The following ZNF462 variants were observed in gnomAD, a reference collection of about 807,000 sequenced individuals.
ZNF462 encodes zinc finger protein 462, also known as zinc finger PBX1-interacting protein.
ZNF462 carries 10 observed loss-of-function variants against 201.9 expected under a neutral mutation model. The ratio of observed to expected loss-of-function variants is 0.05; its 90% CI spans 0.03 to 0.08. The LOEUF (loss-of-function observed/expected upper bound fraction) is 0.08. ZNF462 is among the 10% of genes least tolerant of loss of function. The pLI is 1.00. For synonymous variants in ZNF462, 1,227 were observed against 1,193.3 expected (o/e 1.03, Z -0.58); for missense variants, 2,523 against 3,168.3 (o/e 0.80, Z 4.89).
intron 7 of ZNF462, among the ~76,000 whole-genome samples, chr9:106,955,121 T>G (rs1347204813): frequency 6.6e-6 from 1 of 152,180 alleles, no homozygotes; most frequent in African/African-American, 2.4e-5. Context: ...TAGTGTGTGT[T>G]GCTGTAATCT....
At position 106,962,606 on chromosome 9, in the gene ZNF462, A is replaced by G. The variant is rs1831891864; in HGVS notation, c.6428-9399A>G. Among the ~76,000 whole-genome samples the G allele has an allele frequency of 6.6e-6, 1 of 152,010 alleles. No individual in the cohort carries two copies. The highest frequency in any genetic ancestry group is 2.4e-5 in the African/African-American group (1 of 41,408). On this transcript the variant is annotated intron_variant, in intron 7 of 12. Transcript: ENST00000277225. The surrounding 1 kb of genome is among the most constrained non-coding windows in gnomAD (Gnocchi z 4.6). ...AGAGAAAGCTTGCCCATTTTTTGCC[A>G]TGTTTGTATCATTTTGCAGGCTAAT...
At position 106,924,765 on chromosome 9, in the gene ZNF462, C is replaced by A. The variant is rs751867392; in HGVS notation, c.853C>A (p.Leu285Ile). Residue 285 changes from leucine (L) to isoleucine (I), a missense_variant, in exon 3 of 13, where the codon CTA (leucine) becomes ATA (isoleucine). Physicochemically the swap from Leu to Ile is conservative, Grantham distance 5 (BLOSUM62 2). This residue lies in a region of ZNF462 where 480 missense variants were observed against 544.4 expected (regional missense o/e 0.88). Transcript: ENST00000277225. This position sits in a 1 kb window ranked among gnomAD's most constrained non-coding sequence, Gnocchi z 6.2. ...CAGACAGCAACAAGAAGGAACTAAT[C>A]TACCTGATGTGCCGAACAAGAGTGC... ...SLRQQQEGTN[L>I]PDVPNKSAPS... The A allele has an allele frequency of 3.0e-5, 48 of 1,614,060 alleles. 1 individual carries two copies. Among genetic ancestry groups the A allele is most frequent in the Non-Finnish European group, 3.2e-5 (38 of 1,180,044 alleles).
rs192208123 is a variant in ZNF462 at position 107,009,931 on chromosome 9, T to A, written c.7313+263T>A. Reference sequence around the variant, plus strand: ...CTCAAGCCTGTGTGCAGAAGTATAGTGTTTTCTCCAGCCAATATCCCTTTA... The same window carrying A: ...CTCAAGCCTGTGTGCAGAAGTATAGAGTTTTCTCCAGCCAATATCCCTTTA... On this transcript the variant is annotated intron_variant, in intron 12 of 12. Transcript: ENST00000277225. This position sits in a 1 kb window ranked among gnomAD's most constrained non-coding sequence, Gnocchi z 6.1. Among the ~76,000 whole-genome samples the A allele has an allele frequency of 9.2e-5, 14 of 152,292 alleles. No individual in the cohort carries two copies. Among genetic ancestry groups the A allele is most frequent in the African/African-American group, 3.4e-4 (14 of 41,570 alleles).
chr9:106,962,624 A>G lies in ZNF462; in HGVS notation c.6428-9381A>G, dbSNP rs1212939984. Among the ~76,000 whole-genome samples the G allele has an allele frequency of 6.6e-6, 1 of 152,016 alleles. No homozygotes were observed. The highest frequency in any genetic ancestry group is 2.4e-5 in the African/African-American group (1 of 41,396). The stretch of plus-strand genomic sequence containing the variant: ...TTTTGCCATGTTTGTATCATTTTGC[A>G]GGCTAATATTTTGTTTTGTTTTGTT... On this transcript the variant is annotated intron_variant, in intron 7 of 12. Coordinates refer to ENST00000277225, the MANE Select transcript of ZNF462 (RefSeq NM_021224.6). This position sits in a 1 kb window ranked among gnomAD's most constrained non-coding sequence, Gnocchi z 4.6.
Position 106,945,529 on chromosome 9 carries a change from T to TG in ZNF462, c.6427+6424dup, listed in dbSNP as rs572379488. ...TTCTTTAAAAACGACAATCATGAAA[T>TG]GGAGACTCCCAAGTGAATAATTAAT... On this transcript the variant is annotated intron_variant, in intron 7 of 12. Coordinates refer to ENST00000277225, the MANE Select transcript of ZNF462 (RefSeq NM_021224.6). Among the ~76,000 whole-genome samples, 401 of 152,300 alleles carry TG rather than the reference T, an allele frequency of 2.6e-3. 3 individuals are homozygous for TG. Among genetic ancestry groups the TG allele is most frequent in the African/African-American group, 9.4e-3 (389 of 41,570 alleles).
In ZNF462 at chr9:106,938,785, C is replaced by T. The variant is rs918665619; in HGVS notation, c.6236-131C>T. ...TGGCAGGTTGTTGGTCTGTGAGGTT[C>T]GTTCATAGAACATGAAGCTTGAGAT... On this transcript the variant is annotated intron_variant, in intron 6 of 12. Transcript: ENST00000277225. This position sits in a 1 kb window ranked among gnomAD's most constrained non-coding sequence, Gnocchi z 4.4. 5.1e-5 allele frequency: 47 copies of T among 922,590 alleles called. No homozygotes were observed. In the Admixed American group the frequency reaches 1.1e-3, roughly 21 times the overall value. The allele number at this position is 922,590 out of a possible 1,614,324, so 57.2% of individuals were successfully genotyped here.
chr9:106,982,363 C>T (rs1827500728), intron 9 of ZNF462, among the ~76,000 whole-genome samples: 1 of 152,152 alleles, frequency 6.6e-6, no homozygotes, highest in South Asian at 2.1e-4. Flanking sequence ...AGGCTGGCCC[C>T]CCACAACAAG....
rs1191215174 is a variant in ZNF462 at position 106,865,475 on chromosome 9, T to TA, written c.-31+2126dup. ...TGATTTGAGTTGATTTCTGCAAATATAAAAAATAATAAGAATAATCCTGCA... is the reference window on the plus strand; with the variant it reads ...TGATTTGAGTTGATTTCTGCAAATATAAAAAAATAATAAGAATAATCCTGCA... On this transcript the variant is annotated intron_variant, in intron 1 of 12. Coordinates refer to ENST00000277225, the MANE Select transcript of ZNF462 (RefSeq NM_021224.6). This position sits in a 1 kb window ranked among gnomAD's most constrained non-coding sequence, Gnocchi z 4.1. Among the ~76,000 whole-genome samples the TA allele has an allele frequency of 1.3e-5, 2 of 152,178 alleles. No homozygotes were observed. The highest frequency in any genetic ancestry group is 6.5e-5 in the Admixed American group (1 of 15,280).
chr9:106,905,997 C>T lies in ZNF462; in HGVS notation c.-30-17357C>T, dbSNP rs1341007171. 1.3e-5 allele frequency among the ~76,000 whole-genome samples: 2 copies of T among 152,206 alleles called. No individual in the cohort carries two copies. The highest frequency in any genetic ancestry group is 2.9e-5 in the Non-Finnish European group (2 of 68,038). The stretch of plus-strand genomic sequence containing the variant: ...GTTTTACCCCCTGCTCCTCTGGCCA[C>T]CCTCCCAATGGATCCCTGTGATGCC... On this transcript the variant is annotated intron_variant, in intron 1 of 12. Coordinates refer to ENST00000277225, the MANE Select transcript of ZNF462 (RefSeq NM_021224.6). The surrounding 1 kb of genome is among the most constrained non-coding windows in gnomAD (Gnocchi z 5.9).
At chr9:106,991,015 T>C (rs888877433) in intron 10 of ZNF462, among the ~76,000 whole-genome samples, 3 of 151,984 alleles carry the variant, frequency 2.0e-5, no homozygotes, top group African/African-American at 7.2e-5. Flanking sequence ...CAGTGTACAA[T>C]GTACTGAACA....
In ZNF462 at chr9:107,006,857, G is replaced by C. The variant is rs1829582850; in HGVS notation, c.7190-2688G>C. Among the ~76,000 whole-genome samples, 1 of 152,082 alleles carries C rather than the reference G, an allele frequency of 6.6e-6. No homozygotes were observed. Among genetic ancestry groups the C allele is most frequent in the Non-Finnish European group, 1.5e-5 (1 of 68,008 alleles). ...ACAAATAAAACATCCTTACCATATA[G>C]GTTGATTGTTCTTATAAAGTTATTA... is the stretch of plus-strand genomic sequence containing the variant. On this transcript the variant is annotated intron_variant, in intron 11 of 12. Coordinates refer to ENST00000277225, the MANE Select transcript of ZNF462 (RefSeq NM_021224.6). The surrounding 1 kb of genome is among the most constrained non-coding windows in gnomAD (Gnocchi z 4.3).
chr9:106,861,400 G>C (rs1019976854), upstream of ZNF462, among the ~76,000 whole-genome samples: 3 of 152,188 alleles, frequency 2.0e-5, no homozygotes, highest in Non-Finnish European at 4.4e-5. Context: ...GAAAGGGCGA[G>C]TATTTAAAGA....
Position 106,974,043 on chromosome 9 carries a change from C to A in ZNF462, c.6696-94C>A. On this transcript the variant is annotated intron_variant, in intron 8 of 12. Transcript: ENST00000277225. The surrounding 1 kb of genome is among the most constrained non-coding windows in gnomAD (Gnocchi z 4.0). ...TAGCCCCACAAGCAGGAGAGCCGCA[C>A]TTGGACATATATAACGGGTTTGCCA... The A allele has an allele frequency of 6.6e-7, 1 of 1,526,380 alleles. No homozygotes were observed. Among genetic ancestry groups the A allele is most frequent in the Non-Finnish European group, 9.0e-7 (1 of 1,116,608 alleles). 94.6% of individuals were successfully genotyped at this position (1,526,380 alleles called of 1,614,324 possible). A position where few individuals can be genotyped will look rare whatever the true frequency, so the allele number is the denominator to read the frequency against.
chr9:106,987,724 T>C (rs992505615), intron 10 of ZNF462, among the ~76,000 whole-genome samples: 4 of 152,228 alleles, frequency 2.6e-5, no homozygotes, highest in African/African-American at 9.6e-5. Context: ...TTCTTGGTCA[T>C]GAAGTCCTTG....
chr9:106,929,255 C>T lies in ZNF462; in HGVS notation c.5343C>T (p.Gly1781=), dbSNP rs1269736968. ...CTTTCCAGTCGTTCAGCAAGAAGGGCATCGTGTCCCATTACATGAAACGCC... is the reference window on the plus strand; with the variant it reads ...CTTTCCAGTCGTTCAGCAAGAAGGGTATCGTGTCCCATTACATGAAACGCC... ...LCSFQSFSKK[G]IVSHYMKRHP... Residue 1781 remains glycine, a synonymous_variant, in exon 3 of 13, where the codon GGC becomes GGT. Coordinates refer to ENST00000277225, the MANE Select transcript of ZNF462 (RefSeq NM_021224.6). This position sits in a 1 kb window ranked among gnomAD's most constrained non-coding sequence, Gnocchi z 8.7. 3 of 1,614,046 alleles carry T rather than the reference C, an allele frequency of 1.9e-6. No homozygotes were observed. The highest frequency in any genetic ancestry group is 2.5e-6 in the Non-Finnish European group (3 of 1,180,040).
intron 10 of ZNF462, among the ~76,000 whole-genome samples, chr9:106,994,404 A>G (rs1286378885): frequency 6.6e-6 from 1 of 152,158 alleles, no homozygotes; most frequent in Non-Finnish European, 1.5e-5. Context: ...AGAAAAGGAA[A>G]TGAGAAATAA....
rs565096344 is a variant in ZNF462 at position 107,010,937 on chromosome 9, G to A, written c.7428G>A (p.Gly2476=). 1.2e-6 allele frequency: 2 copies of A among 1,613,720 alleles called. No homozygotes were observed. The highest frequency in any genetic ancestry group is 2.2e-5 in the South Asian group (2 of 91,070). ...IEEKEDDEAI[G]IDFSLKNETV... ...AAAAGGAAGATGACGAGGCCATTGG[G>A]ATAGACTTTTCCCTAAAGAATGAAA... Residue 2476 remains glycine (G), a synonymous_variant, in exon 13 of 13, where the codon GGG becomes GGA. Coordinates refer to ENST00000277225, the MANE Select transcript of ZNF462 (RefSeq NM_021224.6). The surrounding 1 kb of genome is among the most constrained non-coding windows in gnomAD (Gnocchi z 4.6).
intron 10 of ZNF462, among the ~76,000 whole-genome samples, chr9:106,986,973 C>T (rs1224731305): frequency 7.2e-6 from 1 of 139,068 alleles, no homozygotes; most frequent in Non-Finnish European, 1.5e-5. Flanking sequence ...AGTAGTATTC[C>T]ATCATAGATA....
At position 107,013,390 on chromosome 9, in the gene ZNF462, A is replaced by T. The variant is rs1459018398; in HGVS notation, c.*2360A>T. On this transcript the variant is annotated 3_prime_UTR_variant, in exon 13 of 13. Transcript: ENST00000277225. ...AACATTTTTTGTTGTTGTTTAATTT[A>T]TACAGAGGACATTTTTTTCAGAGCT... The T allele has an allele frequency of 6.6e-6, 1 of 152,196 alleles. No homozygotes were observed. Among genetic ancestry groups the T allele is most frequent in the Non-Finnish European group, 1.5e-5 (1 of 68,024 alleles). 9.4% of individuals were successfully genotyped at this position (152,196 alleles called of 1,614,324 possible).
Sources: allele counts gnomAD v4.1 joint callset (sites outside exome capture counted in the v4.1 genomes callset), GRCh38; gene constraint gnomAD v4.1.1; regional missense constraint gnomAD v4.1.1; non-coding constraint Gnocchi (gnomAD v3.1); transcripts MANE v1.5; gene names NCBI Gene and HGNC (gene_info 2026-07-23, HGNC 2026-07-21).